SLC7A2: variants seen among roughly 807,000 people sequenced by gnomAD.
The protein encoded by SLC7A2 is cationic amino acid transporter 2.
Under a neutral mutation model 58.9 loss-of-function variants are expected in SLC7A2, and 48 were observed. That is an observed-to-expected ratio of 0.82 (90% CI 0.65 to 1.04). The LOEUF is 1.04. SLC7A2 is among the 50% of genes least tolerant of loss of function. The probability of loss-of-function intolerance (pLI) is 0.00; values close to 1 mark genes in which losing one functional copy is unlikely to be tolerated. For missense variants in SLC7A2, 1,029 were observed against 818.8 expected (o/e 1.26, Z -3.13); for synonymous variants, 363 against 314.5 (o/e 1.15, Z -1.63).
At chr8:17,531,056 C>G (rs1801430688) in intron 2 of SLC7A2, among the ~76,000 whole-genome samples, 1 of 152,080 alleles carries the variant, frequency 6.6e-6, no homozygotes, top group African/African-American at 2.4e-5. Context: ...TAATTGCTTC[C>G]TCTTCTGTCA....
chr8:17,529,520 T>C (rs1801352288), intron 2 of SLC7A2, among the ~76,000 whole-genome samples: 1 of 124,062 alleles, frequency 8.1e-6, no homozygotes. Flanking sequence ...TTGTTTTTGG[T>C]TTTGTTTTTT....
At chr8:17,516,075 C>T (rs1477451127) in intron 2 of SLC7A2, among the ~76,000 whole-genome samples, 3 of 152,100 alleles carry the variant, frequency 2.0e-5, no homozygotes, top group Non-Finnish European at 2.9e-5. Flanking sequence ...TTTTCTATGT[C>T]TTTTTCCCTA....
chr8:17,544,494 ACTT>A lies in SLC7A2; in HGVS notation c.424_426del (p.Leu142del). 6.2e-7 allele frequency: 1 copy of A among 1,614,068 alleles called. No homozygotes were observed. The highest frequency in any genetic ancestry group is 8.5e-7 in the Non-Finnish European group (1 of 1,179,950). On this transcript the variant is annotated inframe_deletion, in exon 4 of 13. Transcript: ENST00000494857. ...GAGCCTGGAGTGGCACCTTTGATGAACTTCTTAGCAAACAGATTGGTCAGTTTT... is the reference window on the plus strand; with the variant it reads ...GAGCCTGGAGTGGCACCTTTGATGAACTTAGCAAACAGATTGGTCAGTTTT...
chr8:17,508,949 C>T (rs758955064), intron 2 of SLC7A2, among the ~76,000 whole-genome samples: 1 of 152,080 alleles, frequency 6.6e-6, no homozygotes, highest in African/African-American at 2.4e-5. Flanking sequence ...GTTGATTGAT[C>T]GTTGCCGCCT....
chr8:17,563,007 G>C (rs1803093455), intron 11 of SLC7A2, among the ~76,000 whole-genome samples: 1 of 152,168 alleles, frequency 6.6e-6, no homozygotes, highest in Admixed American at 6.5e-5. Flanking sequence ...GCTGCGTGTA[G>C]TGGCTCATTC....
At position 17,562,030 on chromosome 8, in the gene SLC7A2, G is replaced by A. The variant is rs62622371; in HGVS notation, c.1591G>A (p.Ala531Thr). The change falls in exon 11 of 13, where the codon GCG becomes ACG. Residue 531 changes from alanine (A) to threonine (T), a missense_variant. Physicochemically the swap from Ala to Thr is moderately conservative, Grantham distance 58. Transcript: ENST00000494857. ...GGAGGCCTGGAGCCTCGCTCTCCTC[G>A]CGCTGTTTCTTGTTCTCTTCGTTGC... ...RLEAWSLALL[A>T]LFLVLFVAIV... 185,137 of 1,613,836 alleles carry A rather than the reference G, an allele frequency of 0.11. 12,498 individuals carry two copies. Among genetic ancestry groups the A allele is most frequent in the Non-Finnish European group, 0.13 (159,202 of 1,179,930 alleles).
At chr8:17,512,822 A>C (rs566734897) in intron 2 of SLC7A2, among the ~76,000 whole-genome samples, 3 of 152,032 alleles carry the variant, frequency 2.0e-5, no homozygotes, top group Non-Finnish European at 4.4e-5. Context: ...GCCAACCACC[A>C]TTCTACTTTC....
At chr8:17,545,110 G>C (rs1200278250) in intron 4 of SLC7A2, among the ~76,000 whole-genome samples, 1 of 152,160 alleles carries the variant, frequency 6.6e-6, no homozygotes, top group East Asian at 1.9e-4. Flanking sequence ...AACATACTTA[G>C]TACTAGGATT....
rs1393632039 is a variant in SLC7A2, at chr8:17,548,809, G to A, written c.664G>A (p.Glu222Lys). 1.2e-6 allele frequency: 2 copies of A among 1,612,296 alleles called. No individual in the cohort carries two copies. Residue 222 changes from glutamate to lysine, a missense_variant, in exon 5 of 13, where the codon GAA (glutamate) becomes AAA (lysine). Coordinates refer to ENST00000494857, the MANE Select transcript of SLC7A2 (RefSeq NM_001370338.1). The part of the protein sequence containing the change: ...KGNVANWKIS[E>K]EFLKNISASA... The stretch of plus-strand genomic sequence containing the variant: ...AAATGTGGCAAACTGGAAGATTAGT[G>A]AAGAGTTTCTCAAAAATATATCAGC...
Position 17,562,055 on chromosome 8 carries a change from C to G in SLC7A2, c.1616C>G (p.Ala539Gly). The G allele has an allele frequency of 6.2e-7, 1 of 1,613,982 alleles. No individual in the cohort carries two copies. The highest frequency in any genetic ancestry group is 8.5e-7 in the Non-Finnish European group (1 of 1,179,976). ...LLALFLVLFVAIVLTIWRQPQ... is the reference protein window; with the variant it reads ...LLALFLVLFVGIVLTIWRQPQ... ...GCGCTGTTTCTTGTTCTCTTCGTTGCCATCGTTCTCACCATCTGGAGGCAG... is the reference window on the plus strand; with the variant it reads ...GCGCTGTTTCTTGTTCTCTTCGTTGGCATCGTTCTCACCATCTGGAGGCAG... The change falls in exon 11 of 13, where the codon GCC (alanine) becomes GGC (glycine). Residue 539 changes from alanine to glycine, a missense_variant. Coordinates refer to ENST00000494857, the MANE Select transcript of SLC7A2 (RefSeq NM_001370338.1).
rs532896586 is a variant in SLC7A2 at position 17,512,024 on chromosome 8, T to G, written c.-23+9722T>G. Reference sequence around the variant, plus strand: ...TTCTAAAGTTTCCTTTTTCTTCTTTTAAGACATAGTTGTTCAGTGGCTATG... The same window carrying G: ...TTCTAAAGTTTCCTTTTTCTTCTTTGAAGACATAGTTGTTCAGTGGCTATG... On this transcript the variant is annotated intron_variant, in intron 2 of 12. Transcript: ENST00000494857. Among the ~76,000 whole-genome samples, 41 of 152,372 alleles carry G rather than the reference T, an allele frequency of 2.7e-4. 2 individuals carry two copies. In the South Asian group the frequency reaches 6.4e-3, roughly 24 times the overall value.
intron 8 of SLC7A2, among the ~76,000 whole-genome samples, chr8:17,555,796 G>A (rs977417806): frequency 1.3e-5 from 2 of 152,140 alleles, no homozygotes; most frequent in South Asian, 4.2e-4. Flanking sequence ...AATACCTTTG[G>A]CCAGATCCTT....
intron 2 of SLC7A2, among the ~76,000 whole-genome samples, chr8:17,510,332 A>G (rs1800553231): frequency 6.6e-6 from 1 of 152,166 alleles, no homozygotes; most frequent in Non-Finnish European, 1.5e-5. Context: ...AACATAAATG[A>G]CAATACTTAT....
intron 2 of SLC7A2, among the ~76,000 whole-genome samples, chr8:17,518,047 A>G (rs1800870113): frequency 6.6e-6 from 1 of 152,164 alleles, no homozygotes; most frequent in Non-Finnish European, 1.5e-5. Flanking sequence ...GTAAGTCAAG[A>G]GCCCAAGACA....
chr8:17,512,688 G>C (rs1800654201), intron 2 of SLC7A2, among the ~76,000 whole-genome samples: 2 of 152,060 alleles, frequency 1.3e-5, no homozygotes, highest in African/African-American at 4.8e-5. Context: ...TCTTAGCCAA[G>C]GGTTCAGTAG....
At position 17,569,686 on chromosome 8, in the gene SLC7A2, G is replaced by A. The variant is rs149838039; in HGVS notation, c.*4540G>A. Reference sequence around the variant, plus strand: ...ATTCATTATTGTTTGTATATACACGGTTTAGTCTTACTGATTTCAAATGCA... The same window carrying A: ...ATTCATTATTGTTTGTATATACACGATTTAGTCTTACTGATTTCAAATGCA... On this transcript the variant is annotated 3_prime_UTR_variant, in exon 13 of 13. Coordinates refer to ENST00000494857, the MANE Select transcript of SLC7A2 (RefSeq NM_001370338.1). 2.0e-5 allele frequency: 3 copies of A among 152,202 alleles called. No individual in the cohort carries two copies. The highest frequency in any genetic ancestry group is 3.9e-4 in the East Asian group (2 of 5,170). 9.4% of individuals were successfully genotyped at this position (152,202 alleles called of 1,614,324 possible).
At position 17,554,561 on chromosome 8, in the gene SLC7A2, C is replaced by T; in HGVS notation, c.1057C>T (p.Leu353Phe). Residue 353 changes from leucine to phenylalanine, a missense_variant and splice_region_variant, in exon 8 of 13, where the codon CTT (leucine) becomes TTT (phenylalanine). Leu to Phe is a conservative substitution (Grantham distance 22). Coordinates refer to ENST00000494857, the MANE Select transcript of SLC7A2 (RefSeq NM_001370338.1). ...AGSLCALSTS[L>F]LGSIFPMPRV... is the part of the protein sequence containing the mutation. Reference sequence around the variant, plus strand: ...TGCATGTGTTTGCTTTTTATTCAGTCTTCTTGGATCCATTTTCCCAATGCC... The same window carrying T: ...TGCATGTGTTTGCTTTTTATTCAGTTTTCTTGGATCCATTTTCCCAATGCC... 1 of 1,595,510 alleles carries T rather than the reference C, an allele frequency of 6.3e-7. No homozygotes were observed. Among genetic ancestry groups the T allele is most frequent in the Non-Finnish European group, 8.5e-7 (1 of 1,174,324 alleles).
chr8:17,535,892 C>T (rs1346873161), intron 2 of SLC7A2, among the ~76,000 whole-genome samples: 3 of 151,886 alleles, frequency 2.0e-5, no homozygotes, highest in African/African-American at 7.3e-5. Context: ...GAAAGAGGGA[C>T]ACTCCATCTC....
intron 2 of SLC7A2, among the ~76,000 whole-genome samples, chr8:17,514,270 A>C (rs1352268301): frequency 6.6e-6 from 1 of 152,206 alleles, no homozygotes; most frequent in Admixed American, 6.5e-5. Context: ...AATTAAAAAA[A>C]AAATACAGTG....
Sources: gnomAD v4.1 joint callset for allele counts (sites outside exome capture counted in the v4.1 genomes callset) on GRCh38, gnomAD v4.1.1 for gene constraint, MANE v1.5 for transcripts, NCBI Gene and HGNC (gene_info 2026-07-23, HGNC 2026-07-21) for gene names.